Variants in BCL2 observed in about 807,000 individuals in gnomAD.
BCL2 encodes the protein apoptosis regulator Bcl-2.
Under a neutral mutation model 14.2 loss-of-function variants are expected in BCL2, and 1 was observed. That is an observed-to-expected ratio of 0.07 (90% CI 0.02 to 0.33). BCL2 has a LOEUF of 0.33. Ranked by LOEUF, BCL2 falls within the 10% of genes least tolerant of loss-of-function variation. BCL2 has a pLI of 0.99. For missense variants in BCL2, 247 were observed against 305.9 expected, an observed-to-expected ratio of 0.81 and a Z score of 1.44; for synonymous variants, 151 against 137.2, an observed-to-expected ratio of 1.10 and a Z score of -0.70.
chr18:63,173,763 G>T (rs1262296136), intron 2 of BCL2, among the ~76,000 whole-genome samples: 1 of 152,186 alleles, frequency 6.6e-6, no homozygotes, highest in Non-Finnish European at 1.5e-5. Context: ...AATAGGACAA[G>T]ACTTCTTGTT....
chr18:63,175,422 C>G (rs1915329752), intron 2 of BCL2, among the ~76,000 whole-genome samples: 1 of 152,216 alleles, frequency 6.6e-6, no homozygotes, highest in Non-Finnish European at 1.5e-5. Context: ...CATCTAGCAA[C>G]CAGCATAGTG....
At chr18:63,310,414 C>T (rs1003764133) in intron 2 of BCL2, among the ~76,000 whole-genome samples, 4 of 152,206 alleles carry the variant, frequency 2.6e-5, no homozygotes, top group African/African-American at 7.2e-5. Flanking sequence ...CTCCCCGTAT[C>T]GCCTGCCTGT....
intron 2 of BCL2, among the ~76,000 whole-genome samples, chr18:63,169,248 T>TTTTCTTTCTTTCTTTCTTTCTTTCTTTC (rs145779306): frequency 3.7e-5 from 4 of 108,268 alleles, no homozygotes; most frequent in Non-Finnish European, 1.9e-5. Context: ...CCCTTCGTGT[T>TTTTCTTTCTTTCTTTCTTTCTTTCTTTC]TTTCTTTCTT....
At chr18:63,275,375 C>T (rs749594950) in intron 2 of BCL2, among the ~76,000 whole-genome samples, 1 of 152,178 alleles carries the variant, frequency 6.6e-6, no homozygotes, top group Non-Finnish European at 1.5e-5. Flanking sequence ...TCCTGCCCCA[C>T]CTTCACTCAA....
At chr18:63,129,900 C>T (rs1031449815) in intron 2 of BCL2, among the ~76,000 whole-genome samples, 3 of 152,092 alleles carry the variant, frequency 2.0e-5, no homozygotes, top group Non-Finnish European at 4.4e-5. Flanking sequence ...CTAGACTGGA[C>T]GACCACAACT....
intron 2 of BCL2, among the ~76,000 whole-genome samples, chr18:63,269,570 C>A (rs550404133): frequency 1.3e-5 from 2 of 152,282 alleles, no homozygotes; most frequent in Admixed American, 6.5e-5. Context: ...CCATTTTTAT[C>A]TAAAAGAACT....
chr18:63,129,409 C>G (rs764432373), intron 2 of BCL2, among the ~76,000 whole-genome samples: 1 of 151,772 alleles, frequency 6.6e-6, no homozygotes. Context: ...CTCCTGCCTC[C>G]GCCTCCTGAG....
At chr18:63,151,899 A>G (rs8099140) in intron 2 of BCL2, among the ~76,000 whole-genome samples, 11,449 of 152,266 alleles carry the variant, frequency 0.075, 648 homozygotes, top group African/African-American at 0.16. Flanking sequence ...TAGAAAACAG[A>G]GAGTTAAATG....
chr18:63,140,807 A>C (rs1229611104), intron 2 of BCL2, among the ~76,000 whole-genome samples: 4 of 152,222 alleles, frequency 2.6e-5, no homozygotes, highest in African/African-American at 7.2e-5. Context: ...CACGTGAACT[A>C]TATCCCAATA....
intron 2 of BCL2, among the ~76,000 whole-genome samples, chr18:63,189,192 A>T (rs1190183322): frequency 7.1e-6 from 1 of 141,808 alleles, no homozygotes; most frequent in Non-Finnish European, 1.6e-5. Flanking sequence ...CAGCATATAA[A>T]AAAAAAAAAA....
At chr18:63,286,373 T>C (rs1432400477) in intron 2 of BCL2, among the ~76,000 whole-genome samples, 1 of 152,162 alleles carries the variant, frequency 6.6e-6, no homozygotes, top group African/African-American at 2.4e-5. Flanking sequence ...AGAAAATGGA[T>C]GTAGACACAA....
At chr18:63,283,926 C>T (rs865773727) in intron 2 of BCL2, among the ~76,000 whole-genome samples, 8 of 152,154 alleles carry the variant, frequency 5.3e-5, no homozygotes, top group African/African-American at 1.9e-4. Context: ...ATAAACTTGG[C>T]GTTTGTTTCC....
chr18:63,173,554 C>G (rs1372124191), intron 2 of BCL2, among the ~76,000 whole-genome samples: 1 of 152,202 alleles, frequency 6.6e-6, no homozygotes. Context: ...AAGACCTGTG[C>G]AGCAGTTTTC....
chr18:63,225,123 G>A (rs1330058222), intron 2 of BCL2, among the ~76,000 whole-genome samples: 1 of 151,954 alleles, frequency 6.6e-6, no homozygotes, highest in Non-Finnish European at 1.5e-5. Flanking sequence ...GGAAGATAGA[G>A]GAAAAGTCTG....
At chr18:63,141,939 C>T (rs1376009410) in intron 2 of BCL2, among the ~76,000 whole-genome samples, 2 of 152,240 alleles carry the variant, frequency 1.3e-5, no homozygotes, top group East Asian at 1.9e-4. Context: ...ATTTTTGTCA[C>T]TGCAAGAGTT....
intron 2 of BCL2, among the ~76,000 whole-genome samples, chr18:63,169,955 C>A (rs538791654): frequency 6.6e-6 from 1 of 152,214 alleles, no homozygotes; most frequent in East Asian, 1.9e-4. Flanking sequence ...GTTTTCCTTG[C>A]AACTGTAACA....
At chr18:63,151,577 A>G (rs1304121193) in intron 2 of BCL2, among the ~76,000 whole-genome samples, 1 of 152,124 alleles carries the variant, frequency 6.6e-6, no homozygotes, top group Non-Finnish European at 1.5e-5. Context: ...AGGGAATGCT[A>G]ATGGCTTGGC....
chr18:63,143,333 C>T (rs1055508695), intron 2 of BCL2, among the ~76,000 whole-genome samples: 1 of 152,204 alleles, frequency 6.6e-6, no homozygotes, highest in Non-Finnish European at 1.5e-5. Context: ...CCTACAGGGG[C>T]ACAGTTGACA....
intron 2 of BCL2, among the ~76,000 whole-genome samples, chr18:63,151,961 A>G (rs1442165557): frequency 6.6e-6 from 1 of 152,178 alleles, no homozygotes; most frequent in Non-Finnish European, 1.5e-5. Flanking sequence ...GGGAAGAAGG[A>G]AACTTAGTAG....
Sources: gnomAD v4.1 joint callset for allele counts (sites outside exome capture counted in the v4.1 genomes callset) on GRCh38, gnomAD v4.1.1 for gene constraint, MANE v1.5 for transcripts, NCBI Gene and HGNC (gene_info 2026-07-23, HGNC 2026-07-21) for gene names.